The following RBM46 variants were observed in gnomAD, a reference collection of about 807,000 sequenced individuals.
RBM46 encodes probable RNA-binding protein 46.
Under a neutral mutation model 43.3 loss-of-function variants are expected in RBM46, and 12 were observed. The ratio of observed to expected loss-of-function variants is 0.28; its 90% confidence interval spans 0.18 to 0.45. RBM46 has a LOEUF of 0.45. Ranked by LOEUF, RBM46 falls within the 20% of genes least tolerant of loss-of-function variation. RBM46 has a pLI of 1.00. For missense variants in RBM46, 412 were observed against 639.1 expected (o/e 0.64, Z 3.83); for synonymous variants, 205 against 207.6 (o/e 0.99, Z 0.11).
At position 154,798,793 on chromosome 4, in the gene RBM46, C is replaced by G. The variant is rs1441232478; in HGVS notation, c.631C>G (p.Leu211Val). 1 of 1,488,830 alleles carries G rather than the reference C, an allele frequency of 6.7e-7. No individual in the cohort carries two copies. Among genetic ancestry groups the G allele is most frequent in the Non-Finnish European group, 8.9e-7 (1 of 1,123,064 alleles). The allele number at this position is 1,488,830 out of a possible 1,614,324, so 92.2% of individuals were successfully genotyped here. A position where few individuals can be genotyped will look rare whatever the true frequency, so the allele number is the denominator to read the frequency against. The change falls in exon 4 of 5, where the codon CTA (leucine) becomes GTA (valine). Residue 211 changes from leucine to valine, a missense_variant. Leu to Val is a conservative substitution (Grantham distance 32). Around this residue, in one of 8 missense-constraint regions of RBM46, gnomAD observed 54 missense variants for 102.5 expected, o/e 0.53. Transcript: ENST00000281722. ...TTTTTTTTTTACAGGAACATTCCAACTATGGGGCCACACCATTCAGGTAGA... is the reference window on the plus strand; with the variant it reads ...TTTTTTTTTTACAGGAACATTCCAAGTATGGGGCCACACCATTCAGGTAGA... ...RRKLIPGTFQ[L>V]WGHTIQVDWA...
chr4:154,806,178 AT>A (rs1396446170), intron 4 of RBM46, among the ~76,000 whole-genome samples: 1 of 151,816 alleles, frequency 6.6e-6, no homozygotes, highest in African/African-American at 2.4e-5. Context: ...TTAAATGAAC[AT>A]TTAGCATTAC....
In RBM46 at chr4:154,799,167, CAAA is replaced by C. The variant is rs1015402989; in HGVS notation, c.1006_1008del (p.Lys336del). 3.7e-6 allele frequency: 6 copies of C among 1,613,996 alleles called. No individual in the cohort carries two copies. The Admixed American group carries it at 5.0e-5, about 13-fold the overall frequency. On this transcript the variant is annotated inframe_deletion, in exon 4 of 5. Coordinates refer to ENST00000281722, the MANE Select transcript of RBM46 (RefSeq NM_144979.5). ...CTGAAAATCTGATTGTGTTTGCTAA[CAAA>C]GAAGAGAGCCACCCAAAAACTCTAG...
intron 1 of RBM46, among the ~76,000 whole-genome samples, chr4:154,794,506 C>T (rs1468032619): frequency 2.0e-5 from 3 of 152,118 alleles, no homozygotes; most frequent in African/African-American, 7.2e-5. Context: ...CTGACTTCCC[C>T]ATGCAACAGC....
chr4:154,825,238 A>G (rs1201908664), intron 4 of RBM46, among the ~76,000 whole-genome samples: 1 of 152,076 alleles, frequency 6.6e-6, no homozygotes, highest in Non-Finnish European at 1.5e-5. Context: ...ATGTTAACTA[A>G]TTTATTAATA....
chr4:154,793,982 T>G (rs1171912224), intron 1 of RBM46, among the ~76,000 whole-genome samples: 1 of 152,174 alleles, frequency 6.6e-6, no homozygotes, highest in Non-Finnish European at 1.5e-5. Flanking sequence ...TTCTACTCAG[T>G]GTTCATCTCT....
At chr4:154,815,617 T>A (rs1252219348) in intron 4 of RBM46, among the ~76,000 whole-genome samples, 1 of 151,986 alleles carries the variant, frequency 6.6e-6, no homozygotes, top group East Asian at 1.9e-4. Context: ...TGAAGTATCT[T>A]TCTTGTTCAA....
At chr4:154,803,838 A>T (rs1182639135) in intron 4 of RBM46, among the ~76,000 whole-genome samples, 1 of 152,072 alleles carries the variant, frequency 6.6e-6, no homozygotes, top group Non-Finnish European at 1.5e-5. Context: ...GTCCCTGCCA[A>T]ATCTCATGTT....
intron 4 of RBM46, 186 bp from the exon 5 acceptor site, chr4:154,827,682 A>C (rs183266546): frequency 2.1e-6 from 3 of 1,414,254 alleles, no homozygotes; most frequent in Non-Finnish European, 2.8e-6. Flanking sequence ...TAATACTGAC[A>C]AAACTCTCAG....
intron 4 of RBM46, among the ~76,000 whole-genome samples, chr4:154,818,777 T>C (rs189330988): frequency 2.4e-4 from 37 of 152,296 alleles, no homozygotes; most frequent in Non-Finnish European, 5.1e-4. Context: ...CATCCTTTTG[T>C]ATGTCAGTCT....
At chr4:154,819,118 T>A (rs1217756675) in intron 4 of RBM46, among the ~76,000 whole-genome samples, 1 of 152,202 alleles carries the variant, frequency 6.6e-6, no homozygotes, top group Admixed American at 6.5e-5. Context: ...CCAGATACTG[T>A]GTATGAAAAA....
chr4:154,794,382 G>A (rs1354343669), intron 1 of RBM46, among the ~76,000 whole-genome samples: 3 of 151,764 alleles, frequency 2.0e-5, no homozygotes, highest in Non-Finnish European at 2.9e-5. Context: ...GGGTTTCACC[G>A]TGTTAGCCAG....
chr4:154,819,632 G>A (rs1191146734), intron 4 of RBM46, among the ~76,000 whole-genome samples: 3 of 152,016 alleles, frequency 2.0e-5, no homozygotes, highest in African/African-American at 2.4e-5. Flanking sequence ...AAGATATTGT[G>A]ATTATTTTTA....
intron 1 of RBM46, among the ~76,000 whole-genome samples, chr4:154,783,167 A>G (rs1421903522): frequency 1.3e-5 from 2 of 152,244 alleles, no homozygotes; most frequent in South Asian, 2.1e-4. Flanking sequence ...GCTGCCTGCA[A>G]TCACTAAATA....
chr4:154,793,332 C>T (rs1734194142), intron 1 of RBM46, among the ~76,000 whole-genome samples: 2 of 152,106 alleles, frequency 1.3e-5, no homozygotes, highest in Admixed American at 6.5e-5. Flanking sequence ...CATTCTTATG[C>T]TTATATCTTT....
chr4:154,828,354 G>T lies in RBM46; in HGVS notation c.*287G>T. 3.4e-6 allele frequency: 1 copy of T among 295,200 alleles called. No individual in the cohort carries two copies. The highest frequency in any genetic ancestry group is 5.1e-5 in the Admixed American group (1 of 19,526). The allele number at this position is 295,200 out of a possible 1,614,324, so 18.3% of individuals were successfully genotyped here. A position where few individuals can be genotyped will look rare whatever the true frequency, so the allele number is the denominator to read the frequency against. ...TCTTCTACTTTCTGAGTGGGCAATAGAACCTAGTCATTTATGTTTTTTTTT... is the reference window on the plus strand; with the variant it reads ...TCTTCTACTTTCTGAGTGGGCAATATAACCTAGTCATTTATGTTTTTTTTT... On this transcript the variant is annotated 3_prime_UTR_variant, in exon 5 of 5. Coordinates refer to ENST00000281722, the MANE Select transcript of RBM46 (RefSeq NM_144979.5).
At chr4:154,813,461 G>A (rs2111186701) in intron 4 of RBM46, among the ~76,000 whole-genome samples, 1 of 152,022 alleles carries the variant, frequency 6.6e-6, no homozygotes, top group Admixed American at 6.6e-5. Flanking sequence ...GGAGATTAAG[G>A]TTGTAATTGT....
chr4:154,823,727 ACTGT>A (rs1384021518), intron 4 of RBM46, among the ~76,000 whole-genome samples: 2 of 151,994 alleles, frequency 1.3e-5, no homozygotes, highest in South Asian at 2.1e-4. Flanking sequence ...TCACTAACAG[ACTGT>A]CTTTGTGTTG....
At chr4:154,810,270 A>G (rs535700945) in intron 4 of RBM46, among the ~76,000 whole-genome samples, 1 of 152,314 alleles carries the variant, frequency 6.6e-6, no homozygotes, top group East Asian at 1.9e-4. Flanking sequence ...ATATAACTCA[A>G]GGTAAAATAG....
intron 4 of RBM46, among the ~76,000 whole-genome samples, chr4:154,818,139 A>G (rs1735546378): frequency 1.3e-5 from 2 of 152,156 alleles, no homozygotes; most frequent in South Asian, 4.1e-4. Flanking sequence ...TCGTTTTTAT[A>G]CTTAATATAC....
Sources: gnomAD v4.1 joint callset for allele counts (sites outside exome capture counted in the v4.1 genomes callset) on GRCh38, gnomAD v4.1.1 for gene constraint, gnomAD v4.1.1 regional missense constraint, MANE v1.5 for transcripts, NCBI Gene and HGNC (gene_info 2026-07-23, HGNC 2026-07-21) for gene names.